Variants in ACYP2 observed in about 807,000 individuals in gnomAD.
The protein encoded by ACYP2 is acylphosphatase-2.
A neutral mutation model predicts 11.2 loss-of-function variants in ACYP2; 12 were observed. The ratio of observed to expected loss-of-function variants is 1.08; its 90% confidence interval spans 0.69 to 1.74. The LOEUF is 1.74. Among genes scored for constraint, ACYP2 ranks in the 40% most tolerant of loss-of-function variants. The pLI is 0.00. For synonymous variants in ACYP2, 43 were observed against 32.2 expected, an observed-to-expected ratio of 1.33 and a Z score of -1.13; for missense variants, 134 against 101.9, an observed-to-expected ratio of 1.31 and a Z score of -1.35.
chr2:54,153,605 T>TC (rs1558573390), intron 6 of ACYP2, among the ~76,000 whole-genome samples: 2 of 150,346 alleles, frequency 1.3e-5, no homozygotes, highest in African/African-American at 2.4e-5. Context: ...TTTTTTTTTT[T>TC]CTTTTTTTTT....
At chr2:54,216,073 T>G (rs1685547459) in intron 6 of ACYP2, among the ~76,000 whole-genome samples, 2 of 152,194 alleles carry the variant, frequency 1.3e-5, no homozygotes, top group South Asian at 2.1e-4. Flanking sequence ...ATTTTTCTTA[T>G]GTGTTATGAG....
chr2:54,223,947 C>G (rs1356067687), intron 6 of ACYP2, among the ~76,000 whole-genome samples: 1 of 151,918 alleles, frequency 6.6e-6, no homozygotes, highest in Non-Finnish European at 1.5e-5. Context: ...GGGGTATATT[C>G]TTACCTAATT....
chr2:54,188,954 G>A (rs530098161), intron 6 of ACYP2, among the ~76,000 whole-genome samples: 62 of 152,262 alleles, frequency 4.1e-4, no homozygotes, highest in South Asian at 8.3e-4. Flanking sequence ...CCTACCCAAG[G>A]ACTTTCTCCT....
chr2:54,006,884 G>A (rs1420269451), intron 2 of ACYP2, among the ~76,000 whole-genome samples: 1 of 151,994 alleles, frequency 6.6e-6, no homozygotes, highest in East Asian at 1.9e-4. Context: ...CATCACTTTG[G>A]GAGACCGAGG....
intron 6 of ACYP2, among the ~76,000 whole-genome samples, chr2:54,239,928 G>GGAGAAT (rs781638472): frequency 0.26 from 39,316 of 151,988 alleles, 5,285 homozygotes; most frequent in South Asian, 0.43. Flanking sequence ...CTTCTGAGAA[G>GGAGAAT]TACTTTAGAA....
intron 4 of ACYP2, among the ~76,000 whole-genome samples, chr2:54,079,234 GT>G (rs1344465975): frequency 2.0e-5 from 3 of 152,214 alleles, no homozygotes. Context: ...GGACATCGTG[GT>G]TGTCTTCCAA....
At chr2:54,019,609 T>TTTATTATTATTATTA (rs141725920) in intron 2 of ACYP2, among the ~76,000 whole-genome samples, 128 of 148,624 alleles carry the variant, frequency 8.6e-4, no homozygotes, top group Non-Finnish European at 1.5e-3. Flanking sequence ...CCCCTGTGCT[T>TTTATTATTATTATTA]TTATTATTAT....
chr2:54,176,702 T>C (rs1039725730), intron 6 of ACYP2, among the ~76,000 whole-genome samples: 1 of 152,186 alleles, frequency 6.6e-6, no homozygotes, highest in Non-Finnish European at 1.5e-5. Flanking sequence ...CACGATGACA[T>C]GCTTAGTTGC....
At chr2:54,140,447 A>G (rs1681540645) in intron 6 of ACYP2, among the ~76,000 whole-genome samples, 3 of 151,964 alleles carry the variant, frequency 2.0e-5, no homozygotes, top group African/African-American at 7.3e-5. Context: ...CAACCCCTGC[A>G]TTCTCCACCC....
At chr2:54,270,500 TG>T (rs1210032799) in intron 6 of ACYP2, among the ~76,000 whole-genome samples, 1 of 152,146 alleles carries the variant, frequency 6.6e-6, no homozygotes, top group Admixed American at 6.5e-5. Context: ...CCCACCTGTT[TG>T]GGAGGCTGAA....
chr2:54,195,963 A>G (rs942024016), intron 6 of ACYP2, among the ~76,000 whole-genome samples: 1 of 151,660 alleles, frequency 6.6e-6, no homozygotes, highest in Non-Finnish European at 1.5e-5. Flanking sequence ...ACACTCAGCT[A>G]ATTTTTGTAT....
intron 3 of ACYP2, among the ~76,000 whole-genome samples, chr2:54,056,923 A>G (rs1028970117): frequency 6.6e-6 from 1 of 152,206 alleles, no homozygotes; most frequent in Non-Finnish European, 1.5e-5. Context: ...TATTTCATTT[A>G]TTCATTATAT....
At chr2:54,135,373 A>T in intron 4 of ACYP2, 80 bp from the exon 2 acceptor site, 1 of 1,340,436 alleles carries the variant, frequency 7.5e-7, no homozygotes, top group Non-Finnish European at 1.0e-6. Flanking sequence ...GGGACCACCT[A>T]GATAAAAGTT....
chr2:54,039,199 C>T (rs1411665177), intron 2 of ACYP2, among the ~76,000 whole-genome samples: 1 of 147,016 alleles, frequency 6.8e-6, no homozygotes, highest in Non-Finnish European at 1.5e-5. Context: ...TGAACTTTTA[C>T]TAAAAATATC....
At chr2:54,127,076 T>C (rs1030470958) in intron 4 of ACYP2, among the ~76,000 whole-genome samples, 1 of 150,954 alleles carries the variant, frequency 6.6e-6, no homozygotes. Context: ...TATTTTGAAG[T>C]CTTCCTTCAT....
intron 6 of ACYP2, among the ~76,000 whole-genome samples, chr2:54,198,000 TTG>T (rs1684584416): frequency 7.3e-6 from 1 of 136,818 alleles, no homozygotes; most frequent in Non-Finnish European, 1.5e-5. Context: ...TTGTATTGTA[TTG>T]TATTGTATTG....
At chr2:54,259,596 G>A (rs941883250) in intron 6 of ACYP2, among the ~76,000 whole-genome samples, 9 of 151,160 alleles carry the variant, frequency 6.0e-5, no homozygotes, top group East Asian at 3.8e-4. Flanking sequence ...AGAATTGACC[G>A]TCGGATTTTA....
At chr2:54,214,222 T>C (rs1685459244) in intron 6 of ACYP2, among the ~76,000 whole-genome samples, 2 of 152,226 alleles carry the variant, frequency 1.3e-5, no homozygotes, top group Non-Finnish European at 2.9e-5. Context: ...TTTATTTTGC[T>C]GTGCAGAAGC....
intron 4 of ACYP2, among the ~76,000 whole-genome samples, chr2:54,127,655 G>A (rs7355466): frequency 0.052 from 7,832 of 151,392 alleles, 632 homozygotes; most frequent in African/African-American, 0.18. Flanking sequence ...GGCTGAGGCC[G>A]GAGAATCGCT....
Sources: allele counts gnomAD v4.1 joint callset (sites outside exome capture counted in the v4.1 genomes callset), GRCh38; gene constraint gnomAD v4.1.1; transcripts MANE v1.5; gene names NCBI Gene and HGNC (gene_info 2026-07-23, HGNC 2026-07-21).